CAMK2B: variants seen among roughly 807,000 people sequenced by gnomAD.
CAMK2B encodes calcium/calmodulin-dependent protein kinase type II subunit beta.
In CAMK2B, 27 loss-of-function variants were observed where a neutral mutation model predicts 93.7. The observed-to-expected ratio is 0.29, with a 90% CI of 0.21 to 0.40. CAMK2B has a LOEUF of 0.40. Ranked by LOEUF, CAMK2B falls within the 10% of genes least tolerant of loss-of-function variation. The pLI is 1.00. For synonymous variants in CAMK2B, 374 were observed against 358.8 expected (o/e 1.04, Z -0.48); for missense variants, 568 against 895.8 (o/e 0.63, Z 4.67).
intron 6 of CAMK2B, among the ~76,000 whole-genome samples, chr7:44,244,274 A>G (rs1297681483): frequency 6.6e-6 from 1 of 152,194 alleles, no homozygotes; most frequent in Admixed American, 6.5e-5. Context: ...CCAGAAGGAC[A>G]TCTGCTCCCT....
At chr7:44,298,029 C>A (rs1230751722) in intron 1 of CAMK2B, among the ~76,000 whole-genome samples, 1 of 152,142 alleles carries the variant, frequency 6.6e-6, no homozygotes, top group Non-Finnish European at 1.5e-5. Flanking sequence ...GAGGCTGAGG[C>A]AGGAGAATCA....
intron 1 of CAMK2B, among the ~76,000 whole-genome samples, chr7:44,284,947 C>T (rs1244472201): frequency 6.6e-6 from 1 of 152,072 alleles, no homozygotes; most frequent in African/African-American, 2.4e-5. Flanking sequence ...GGACGGGGGA[C>T]AGAGGGAGCT....
chr7:44,249,440 C>T (rs1562899177), intron 5 of CAMK2B, among the ~76,000 whole-genome samples: 1 of 152,232 alleles, frequency 6.6e-6, no homozygotes, highest in Non-Finnish European at 1.5e-5. Context: ...CCAGCTCCTT[C>T]ATGCACTGCT....
At chr7:44,324,936 C>A (rs1305704772) in intron 1 of CAMK2B, 1 of 151,990 alleles carries the variant, frequency 6.6e-6, no homozygotes, top group African/African-American at 2.4e-5. Flanking sequence ...GGACAGCGCA[C>A]CCGCGTCGGG....
chr7:44,323,188 C>G (rs78189074), intron 1 of CAMK2B, among the ~76,000 whole-genome samples: 1 of 152,204 alleles, frequency 6.6e-6, no homozygotes, highest in African/African-American at 2.4e-5. Context: ...GCCAGGGACC[C>G]GGCGCCTAGC....
At chr7:44,262,515 T>C (rs1472634972) in intron 3 of CAMK2B, among the ~76,000 whole-genome samples, 1 of 152,078 alleles carries the variant, frequency 6.6e-6, no homozygotes, top group Non-Finnish European at 1.5e-5. Context: ...CTTTGGTCAG[T>C]CTTTCTTTTC....
In CAMK2B at chr7:44,231,035, T is replaced by A; in HGVS notation, c.1196A>T (p.Asn399Ile). 2.6e-6 allele frequency: 4 copies of A among 1,555,194 alleles called. No individual in the cohort carries two copies. Among genetic ancestry groups the A allele is most frequent in the Non-Finnish European group, 3.5e-6 (4 of 1,149,222 alleles). The change falls in exon 17 of 24, where the codon AAT (asparagine) becomes ATT (isoleucine). Residue 399 changes from asparagine to isoleucine, a missense_variant. Asn to Ile is a moderately radical substitution (Grantham distance 149). Around this residue, in one of 4 missense-constraint regions of CAMK2B, gnomAD observed 308 missense variants for 292.1 expected, o/e 1.05. Transcript: ENST00000395749. ...DGIKESSDSA[N>I]TTIEDEDAKA... The stretch of plus-strand genomic sequence containing the variant: ...AGCGTCTTCATCCTCTATGGTGGTA[T>A]TGGCACTGTCAGAAGACTCCTGAGG...
chr7:44,322,614 C>T (rs1361333774), intron 1 of CAMK2B, among the ~76,000 whole-genome samples: 1 of 152,214 alleles, frequency 6.6e-6, no homozygotes, highest in East Asian at 1.9e-4. Flanking sequence ...GGCCACCAGG[C>T]TAGTGTCTGT....
intron 1 of CAMK2B, among the ~76,000 whole-genome samples, chr7:44,294,494 C>G (rs1472082667): frequency 6.6e-6 from 1 of 152,108 alleles, no homozygotes; most frequent in Non-Finnish European, 1.5e-5. Flanking sequence ...GCTGCATGTG[C>G]CCTGTGATTG....
At chr7:44,239,366 A>G (rs1405066370) in intron 13 of CAMK2B, among the ~76,000 whole-genome samples, 1 of 152,204 alleles carries the variant, frequency 6.6e-6, no homozygotes, top group African/African-American at 2.4e-5. Flanking sequence ...GGGGCCACCT[A>G]GCCCAGCCCC....
intron 3 of CAMK2B, among the ~76,000 whole-genome samples, 193 bp downstream of exon 3, chr7:44,262,812 G>A (rs957540816): frequency 1.3e-5 from 2 of 152,224 alleles, no homozygotes; most frequent in African/African-American, 4.8e-5. Flanking sequence ...CGGGAATCAT[G>A]TCACATACGA....
intron 5 of CAMK2B, among the ~76,000 whole-genome samples, chr7:44,252,868 G>A (rs992899215): frequency 6.6e-6 from 1 of 152,184 alleles, no homozygotes; most frequent in Non-Finnish European, 1.5e-5. Context: ...GGAAAACCTC[G>A]TCTTCCTCCA....
At chr7:44,273,605 C>T (rs1031738878) in intron 2 of CAMK2B, among the ~76,000 whole-genome samples, 1 of 152,196 alleles carries the variant, frequency 6.6e-6, no homozygotes, top group Non-Finnish European at 1.5e-5. Flanking sequence ...CCCATCTCTC[C>T]ATAGACACCA....
intron 1 of CAMK2B, among the ~76,000 whole-genome samples, chr7:44,306,650 A>T (rs569808101): frequency 6.6e-6 from 1 of 152,300 alleles, no homozygotes; most frequent in South Asian, 2.1e-4. Context: ...CATGTGGTGG[A>T]TTATGCAGAT....
intron 1 of CAMK2B, among the ~76,000 whole-genome samples, chr7:44,315,977 T>C (rs1439544680): frequency 6.6e-6 from 1 of 152,194 alleles, no homozygotes; most frequent in Non-Finnish European, 1.5e-5. Context: ...GGATTTTCTA[T>C]ATACGAAAGC....
chr7:44,228,637 A>G (rs2096544746), intron 19 of CAMK2B, among the ~76,000 whole-genome samples, 159 bp downstream of exon 19: 1 of 152,084 alleles, frequency 6.6e-6, no homozygotes, highest in Non-Finnish European at 1.5e-5. Context: ...GCTGGTTAGC[A>G]TGGGAGCCCA....
intron 4 of CAMK2B, among the ~76,000 whole-genome samples, chr7:44,256,524 C>T (rs1351820832): frequency 6.6e-6 from 1 of 152,224 alleles, no homozygotes; most frequent in Non-Finnish European, 1.5e-5. Flanking sequence ...CATGTTTGTA[C>T]ATATGTGTGC....
chr7:44,285,099 C>T lies in CAMK2B; in HGVS notation c.66-874G>A, dbSNP rs139161938. On this transcript the variant is annotated intron_variant, in intron 1 of 23. Transcript: ENST00000395749. Reference sequence around the variant, plus strand: ...GAGCTCCTGCCCTGGCTTCAGGGCGCCCTGAGGGAGTCAGTGCCACCCAAT... The same window carrying T: ...GAGCTCCTGCCCTGGCTTCAGGGCGTCCTGAGGGAGTCAGTGCCACCCAAT... 6.4e-3 allele frequency among the ~76,000 whole-genome samples: 968 copies of T among 152,292 alleles called. 7 individuals are homozygous for T. The highest frequency in any genetic ancestry group is 0.022 in the African/African-American group (911 of 41,558).
chr7:44,270,556 G>A (rs943542123), intron 2 of CAMK2B, among the ~76,000 whole-genome samples: 6 of 152,362 alleles, frequency 3.9e-5, no homozygotes, highest in African/African-American at 7.2e-5. Context: ...CAGGCCCTAC[G>A]CAGGGGCCTG....
Sources: allele counts gnomAD v4.1 joint callset (sites outside exome capture counted in the v4.1 genomes callset), GRCh38; gene constraint gnomAD v4.1.1; regional missense constraint gnomAD v4.1.1; transcripts MANE v1.5; gene names NCBI Gene and HGNC (gene_info 2026-07-23, HGNC 2026-07-21).